The following TENM2 variants were observed in gnomAD, a reference collection of about 807,000 sequenced individuals.
The protein encoded by TENM2 is teneurin transmembrane protein 2.
In TENM2, 52 loss-of-function variants were observed where a neutral mutation model predicts 245.2. That is an observed-to-expected ratio of 0.21 (90% CI 0.17 to 0.27). The LOEUF (loss-of-function observed/expected upper bound fraction) is 0.27, where lower values mean the gene tolerates loss of function less well. Among genes scored for constraint, TENM2 ranks in the 10% least tolerant of loss-of-function variants. TENM2 has a pLI of 1.00. For missense variants in TENM2, 3,046 were observed against 3,666.8 expected (o/e 0.83, Z 4.37); for synonymous variants, 1,363 against 1,438.9 (o/e 0.95, Z 1.19).
chr5:168,174,825 G>A (rs538368190), intron 13 of TENM2, among the ~76,000 whole-genome samples: 46 of 152,274 alleles, frequency 3.0e-4, no homozygotes, highest in African/African-American at 9.1e-4. Context: ...CTTGTCATCC[G>A]GAGAGGAGTC....
At chr5:168,106,518 G>A (rs1342660634) in intron 9 of TENM2, among the ~76,000 whole-genome samples, 1 of 152,180 alleles carries the variant, frequency 6.6e-6, no homozygotes, top group Non-Finnish European at 1.5e-5. Flanking sequence ...CAGAGTTTAA[G>A]TAACTTGCTC....
At chr5:167,319,542 T>C (rs1581734599) in intron 1 of TENM2, among the ~76,000 whole-genome samples, 1 of 152,188 alleles carries the variant, frequency 6.6e-6, no homozygotes, top group East Asian at 1.9e-4. Flanking sequence ...TGGTTAATAC[T>C]AGGAGGAAAA....
At chr5:167,932,379 T>C (rs1232415088) in intron 3 of TENM2, among the ~76,000 whole-genome samples, 1 of 152,136 alleles carries the variant, frequency 6.6e-6, no homozygotes, top group Non-Finnish European at 1.5e-5. Context: ...TTCAGGGTCT[T>C]CTTCCATCTT....
chr5:167,026,686 T>C, the TENM2 span, among the ~76,000 whole-genome samples: 2 of 152,206 alleles, frequency 1.3e-5, no homozygotes, highest in African/African-American at 2.4e-5. Context: ...GTGAGGCGTA[T>C]AGACTTTTAG....
At chr5:167,743,435 C>G (rs892761959) in intron 2 of TENM2, among the ~76,000 whole-genome samples, 2 of 152,030 alleles carry the variant, frequency 1.3e-5, no homozygotes, top group Non-Finnish European at 2.9e-5. Context: ...AAAGAGGCCA[C>G]GATTCTTAAA....
At position 167,343,444 on chromosome 5, in the gene TENM2, A is replaced by G. The variant is rs1018210401; in HGVS notation, c.227-31754A>G. On this transcript the variant is annotated intron_variant, in intron 1 of 28. Coordinates refer to ENST00000518659, the Ensembl canonical transcript of TENM2. Reference sequence around the variant, plus strand: ...CCATTGAGAACTTGATATCTCTCCCATACAGTATGGAGAAGAAATATTTTG... The same window carrying G: ...CCATTGAGAACTTGATATCTCTCCCGTACAGTATGGAGAAGAAATATTTTG... Among the ~76,000 whole-genome samples the G allele has an allele frequency of 6.6e-5, 10 of 152,282 alleles. No homozygotes were observed. In the South Asian group the frequency reaches 1.2e-3, roughly 19 times the overall value.
At chr5:167,531,891 T>C (rs764442926) in intron 2 of TENM2, among the ~76,000 whole-genome samples, 1 of 152,192 alleles carries the variant, frequency 6.6e-6, no homozygotes, top group South Asian at 2.1e-4. Context: ...CTATAAACCT[T>C]ATTACCCAGC....
intron 5 of TENM2, among the ~76,000 whole-genome samples, chr5:168,030,442 A>G (rs1787041221): frequency 6.6e-6 from 1 of 152,010 alleles, no homozygotes. Flanking sequence ...CATCCGAATC[A>G]CCTGGAAGGC....
intron 1 of TENM2, among the ~76,000 whole-genome samples, chr5:167,355,281 G>T (rs188540461): frequency 1.3e-5 from 2 of 152,284 alleles, no homozygotes; most frequent in East Asian, 1.9e-4. Flanking sequence ...TGCCAGATAT[G>T]CAGGAAAGTC....
At chr5:167,925,340 G>T (rs1028970649) in intron 3 of TENM2, among the ~76,000 whole-genome samples, 3 of 152,198 alleles carry the variant, frequency 2.0e-5, no homozygotes, top group Non-Finnish European at 4.4e-5. Flanking sequence ...TATGATGATA[G>T]AAATCATGGG....
At chr5:168,072,968 C>T (rs1352982001) in intron 7 of TENM2, among the ~76,000 whole-genome samples, 1 of 152,176 alleles carries the variant, frequency 6.6e-6, no homozygotes, top group Non-Finnish European at 1.5e-5. Context: ...GAGTCTTCCT[C>T]CTCAGTCAAG....
intron 2 of TENM2, among the ~76,000 whole-genome samples, chr5:167,779,548 G>A (rs1190861325): frequency 2.0e-5 from 3 of 152,102 alleles, no homozygotes; most frequent in Non-Finnish European, 4.4e-5. Context: ...ATGAGAACAT[G>A]TTACTTCATA....
In TENM2 at chr5:167,905,266, A is replaced by T. The variant is rs562243573; in HGVS notation, c.712+29071A>T. On this transcript the variant is annotated intron_variant, in intron 3 of 28. Transcript: ENST00000518659. ...TCTAAAAAAATCAACTTTCAACCTC[A>T]TCGTTTTGTGGCTGGGAAAAGGGGG... Among the ~76,000 whole-genome samples, 5 of 152,294 alleles carry T rather than the reference A, an allele frequency of 3.3e-5. No homozygotes were observed. In the East Asian group the frequency reaches 9.6e-4, roughly 29 times the overall value.
At chr5:168,223,757 C>G (rs753140889) in intron 23 of TENM2, among the ~76,000 whole-genome samples, 1 of 152,136 alleles carries the variant, frequency 6.6e-6, no homozygotes, top group Non-Finnish European at 1.5e-5. Flanking sequence ...GCACAAGCCA[C>G]CATGCCCGGC....
chr5:167,250,561 T>C, the TENM2 span, among the ~76,000 whole-genome samples: 1 of 152,160 alleles, frequency 6.6e-6, no homozygotes, highest in African/African-American at 2.4e-5. Flanking sequence ...TATAGTATAA[T>C]GCATATATGA....
chr5:167,013,470 T>A, the TENM2 span, among the ~76,000 whole-genome samples: 4 of 152,124 alleles, frequency 2.6e-5, no homozygotes, highest in Admixed American at 6.6e-5. Context: ...GAAGCCATTT[T>A]TTTTTCCCGA....
At chr5:167,289,858 T>C (rs1561838886) in intron 1 of TENM2, among the ~76,000 whole-genome samples, 1 of 152,226 alleles carries the variant, frequency 6.6e-6, no homozygotes, top group African/African-American at 2.4e-5. Context: ...TAGCCATTTT[T>C]CCACTATACC....
chr5:167,210,770 C>A, the TENM2 span, among the ~76,000 whole-genome samples: 1 of 152,142 alleles, frequency 6.6e-6, no homozygotes, highest in Non-Finnish European at 1.5e-5. Flanking sequence ...GCCTTCATTG[C>A]ATTTTTAAAT....
chr5:167,482,627 A>T (rs1040091058), intron 2 of TENM2, among the ~76,000 whole-genome samples: 5 of 152,178 alleles, frequency 3.3e-5, no homozygotes, highest in Non-Finnish European at 7.3e-5. Context: ...TAGTTGCTTG[A>T]TAAAACAGAG....
Sources: allele counts gnomAD v4.1 joint callset (sites outside exome capture counted in the v4.1 genomes callset), GRCh38; gene constraint gnomAD v4.1.1; transcripts MANE v1.5; gene names NCBI Gene and HGNC (gene_info 2026-07-23, HGNC 2026-07-21).